Variants in XYLT1 observed in about 807,000 individuals in gnomAD.
The protein encoded by XYLT1 is xylosyltransferase 1, also known as beta-D-xylosyltransferase 1.
XYLT1 carries 36 observed loss-of-function variants against 91.3 expected under a neutral mutation model. That is an observed-to-expected ratio of 0.39 (90% confidence interval 0.30 to 0.52). The LOEUF is 0.52. Ranked by LOEUF, XYLT1 falls within the 20% of genes least tolerant of loss-of-function variation. XYLT1 has a pLI of 0.68. For missense variants in XYLT1, 1,242 were observed against 1,284.5 expected, an observed-to-expected ratio of 0.97 and a Z score of 0.51; for synonymous variants, 588 against 532.0, an observed-to-expected ratio of 1.11 and a Z score of -1.45.
intron 3 of XYLT1, among the ~76,000 whole-genome samples, chr16:17,215,314 C>T (rs543648589): frequency 3.9e-5 from 6 of 152,302 alleles, no homozygotes; most frequent in African/African-American, 1.4e-4. Context: ...CACTCCAGCA[C>T]GGGTGGCAAA....
At chr16:17,163,394 A>C (rs1222402842) in intron 5 of XYLT1, among the ~76,000 whole-genome samples, 1 of 152,222 alleles carries the variant, frequency 6.6e-6, no homozygotes. Flanking sequence ...TGCCCTGGGC[A>C]CACAGAGGCA....
intron 1 of XYLT1, among the ~76,000 whole-genome samples, chr16:17,427,050 T>C (rs1236453131): frequency 6.6e-6 from 1 of 152,176 alleles, no homozygotes; most frequent in Non-Finnish European, 1.5e-5. Flanking sequence ...TCAGGCATCA[T>C]GGTAGGCAGA....
At chr16:17,399,580 C>A (rs887019368) in intron 1 of XYLT1, among the ~76,000 whole-genome samples, 17 of 152,380 alleles carry the variant, frequency 1.1e-4, no homozygotes, top group Admixed American at 7.2e-4. Flanking sequence ...CCCGGTTGCA[C>A]AGTCCGAAGG....
chr16:17,454,980 A>G (rs1044540764), intron 1 of XYLT1, among the ~76,000 whole-genome samples: 1 of 144,566 alleles, frequency 6.9e-6, no homozygotes, highest in Non-Finnish European at 1.5e-5. Flanking sequence ...GAAAACAGGC[A>G]AAGGACCAGA....
intron 2 of XYLT1, among the ~76,000 whole-genome samples, chr16:17,300,667 C>A (rs1174854397): frequency 6.6e-6 from 1 of 151,566 alleles, no homozygotes; most frequent in South Asian, 2.1e-4. Context: ...ACCACCTTGG[C>A]CACGCTGGTC....
chr16:17,173,275 C>T (rs1364691669), intron 5 of XYLT1, among the ~76,000 whole-genome samples: 3 of 152,220 alleles, frequency 2.0e-5, no homozygotes, highest in African/African-American at 4.8e-5. Context: ...ACTACCTCCA[C>T]GTACTCATTC....
At chr16:17,182,873 T>C (rs2032101877) in intron 5 of XYLT1, among the ~76,000 whole-genome samples, 1 of 152,160 alleles carries the variant, frequency 6.6e-6, no homozygotes, top group African/African-American at 2.4e-5. Context: ...GGGGTTGTTC[T>C]TGCTAACGCA....
chr16:17,286,791 G>A (rs1272296665), intron 2 of XYLT1, among the ~76,000 whole-genome samples: 2 of 152,162 alleles, frequency 1.3e-5, no homozygotes, highest in East Asian at 3.9e-4. Context: ...CGTTGATTGT[G>A]TCCTTACACT....
intron 10 of XYLT1, among the ~76,000 whole-genome samples, chr16:17,123,482 T>C (rs937644059): frequency 3.3e-5 from 5 of 152,226 alleles, no homozygotes; most frequent in African/African-American, 1.2e-4. Flanking sequence ...TGCATGAATT[T>C]GGGGGTTCCT....
intron 4 of XYLT1, 91 bp downstream of exon 4, chr16:17,200,391 T>G: frequency 6.7e-7 from 1 of 1,497,852 alleles, no homozygotes; most frequent in Non-Finnish European, 9.1e-7. Context: ...AAGCAGGCAG[T>G]CTGGACTAGC....
At position 17,312,418 on chromosome 16, in the gene XYLT1, G is replaced by C. The variant is rs370826360; in HGVS notation, c.402+45594C>G. On this transcript the variant is annotated intron_variant, in intron 2 of 11. Coordinates refer to ENST00000261381, the MANE Select transcript of XYLT1 (RefSeq NM_022166.4). This position sits in a 1 kb window ranked among gnomAD's most constrained non-coding sequence, Gnocchi z 4.4. The stretch of plus-strand genomic sequence containing the variant: ...ATTCCTGTAGCGCTTACCATGTATG[G>C]GGTCTTGTCTCAGGGCCTTACCCGC... Among the ~76,000 whole-genome samples the C allele has an allele frequency of 5.9e-4, 90 of 152,164 alleles. 2 individuals are homozygous for C. In the South Asian group the frequency reaches 0.017, roughly 29 times the overall value.
chr16:17,459,634 T>C (rs991206077), intron 1 of XYLT1, among the ~76,000 whole-genome samples: 4 of 152,212 alleles, frequency 2.6e-5, no homozygotes, highest in African/African-American at 9.7e-5. Flanking sequence ...TCCACAGCTC[T>C]TTCTTTTCGT....
At chr16:17,236,866 C>T (rs1348158980) in intron 3 of XYLT1, among the ~76,000 whole-genome samples, 1 of 152,140 alleles carries the variant, frequency 6.6e-6, no homozygotes. Context: ...GCTCTAATGA[C>T]CTCACTTTAA....
In XYLT1 at chr16:17,444,513, T is replaced by TTC. The variant is rs1491401620; in HGVS notation, c.363+25920_363+25921insGA. Among the ~76,000 whole-genome samples, 187 of 31,944 alleles carry TTC rather than the reference T, an allele frequency of 5.9e-3. No individual in the cohort carries two copies. The African/African-American group carries it at 0.1, about 18-fold the overall frequency. 21.0% of individuals were successfully genotyped at this position (31,944 alleles called of 152,430 possible). A position where few individuals can be genotyped will look rare whatever the true frequency, so the allele number is the denominator to read the frequency against. ...ACCATGTCCAGCTAACTTCTTCTTC[T>TTC]TTTTTTTTTTTTTAATAGAGACAGA... is the stretch of plus-strand genomic sequence containing the variant. On this transcript the variant is annotated intron_variant, in intron 1 of 11. Coordinates refer to ENST00000261381, the MANE Select transcript of XYLT1 (RefSeq NM_022166.4).
At chr16:17,284,870 A>G (rs141617676) in intron 2 of XYLT1, among the ~76,000 whole-genome samples, 1,868 of 152,332 alleles carry the variant, frequency 0.012, 41 homozygotes, top group African/African-American at 0.042. Context: ...TGGGGCTGTG[A>G]TATGGAGAAT....
In XYLT1 at chr16:17,163,594, C is replaced by A. The variant is rs540475563; in HGVS notation, c.1290-4685G>T. Reference sequence around the variant, plus strand: ...CCTGCCAGAGGTGCTCACAGCCCAACGGTGAGGTGACAGGACTAAAGCCAA... The same window carrying A: ...CCTGCCAGAGGTGCTCACAGCCCAAAGGTGAGGTGACAGGACTAAAGCCAA... On this transcript the variant is annotated intron_variant, in intron 5 of 11. Transcript: ENST00000261381. Among the ~76,000 whole-genome samples, 4 of 152,324 alleles carry A rather than the reference C, an allele frequency of 2.6e-5. No homozygotes were observed. In the East Asian group the frequency reaches 7.7e-4, roughly 29 times the overall value.
At chr16:17,186,920 C>T (rs754968756) in intron 5 of XYLT1, among the ~76,000 whole-genome samples, 1 of 151,954 alleles carries the variant, frequency 6.6e-6, no homozygotes, top group Non-Finnish European at 1.5e-5. Context: ...GGGATGAACA[C>T]GGAGAGATGT....
At chr16:17,247,135 T>A (rs766200941) in intron 3 of XYLT1, among the ~76,000 whole-genome samples, 7 of 141,030 alleles carry the variant, frequency 5.0e-5, no homozygotes, top group Non-Finnish European at 1.1e-4. Context: ...CTCTAGGGCT[T>A]ATTTCATTCA....
At chr16:17,258,878 A>T (rs2033675739) in intron 3 of XYLT1, 110 bp downstream of exon 3, 1 of 1,310,488 alleles carries the variant, frequency 7.6e-7, no homozygotes. Context: ...GGGGTTTGGA[A>T]AACAGGGTGG....
Sources: allele counts gnomAD v4.1 joint callset (sites outside exome capture counted in the v4.1 genomes callset), GRCh38; gene constraint gnomAD v4.1.1; non-coding constraint Gnocchi (gnomAD v3.1); transcripts MANE v1.5; gene names NCBI Gene and HGNC (gene_info 2026-07-23, HGNC 2026-07-21).